The following CCZ1 variants were observed in gnomAD, a reference collection of about 807,000 sequenced individuals.
The protein encoded by CCZ1 is vacuolar fusion protein CCZ1 homolog.
Under a neutral mutation model 57.8 loss-of-function variants are expected in CCZ1, and 19 were observed. The observed-to-expected ratio is 0.33, with a 90% CI of 0.23 to 0.48. The LOEUF (loss-of-function observed/expected upper bound fraction) is 0.48, where lower values mean the gene tolerates loss of function less well. CCZ1 is among the 20% of genes least tolerant of loss of function. The probability of loss-of-function intolerance (pLI) is 0.99; values close to 1 mark genes in which losing one functional copy is unlikely to be tolerated. For synonymous variants in CCZ1, 81 were observed against 167.0 expected (o/e 0.49, Z 3.97); for missense variants, 200 against 492.0 (o/e 0.41, Z 5.61).
At chr7:5,910,684 T>C (rs1476649673) in intron 8 of CCZ1, among the ~76,000 whole-genome samples, 2 of 106,410 alleles carry the variant, frequency 1.9e-5, no homozygotes, top group African/African-American at 6.9e-5. Flanking sequence ...GATTTTACTT[T>C]ACTTTTAATT....
chr7:5,903,647 T>C lies in CCZ1; in HGVS notation c.522+903T>C, dbSNP rs766550943. Among the ~76,000 whole-genome samples the C allele has an allele frequency of 9.4e-4, 133 of 142,180 alleles. 5 individuals carry two copies. The highest frequency in any genetic ancestry group is 1.7e-3 in the Non-Finnish European group (111 of 66,730). 93.3% of individuals were successfully genotyped at this position (142,180 alleles called of 152,430 possible). A position where few individuals can be genotyped will look rare whatever the true frequency, so the allele number is the denominator to read the frequency against. On this transcript the variant is annotated intron_variant, in intron 6 of 14. Coordinates refer to ENST00000325974, the MANE Select transcript of CCZ1 (RefSeq NM_015622.6). ...CATTTCTCTCTTACCCATCAACATA[T>C]GGATAGAACTGTTGTCCTGAGTACA...
intron 7 of CCZ1, among the ~76,000 whole-genome samples, chr7:5,907,571 C>T (rs1161157996): frequency 6.8e-6 from 1 of 146,480 alleles, no homozygotes; most frequent in Admixed American, 6.7e-5. Context: ...CTTCCAGGAG[C>T]TCATTCTGGG....
intron 10 of CCZ1, among the ~76,000 whole-genome samples, chr7:5,914,748 C>A (rs1467770725): frequency 6.7e-6 from 1 of 148,282 alleles, no homozygotes. Flanking sequence ...AGGTGGCACA[C>A]GCCTCTAATC....
At chr7:5,916,601 CAGTG>C (rs1225807762) in intron 10 of CCZ1, among the ~76,000 whole-genome samples, 38 of 145,966 alleles carry the variant, frequency 2.6e-4, no homozygotes, top group African/African-American at 1.0e-3. Flanking sequence ...GTGGACAGCC[CAGTG>C]AGTGTTTCCC....
In CCZ1 at chr7:5,907,927, T is replaced by G. The variant is rs551315452; in HGVS notation, c.699-2108T>G. On this transcript the variant is annotated intron_variant, in intron 7 of 14. Coordinates refer to ENST00000325974, the MANE Select transcript of CCZ1 (RefSeq NM_015622.6). ...GCCTGGGCAGCATAGTGAGACTGTA[T>G]CTACAAAAAATGGAAAAAAAAAAAA... Among the ~76,000 whole-genome samples, 107 of 65,284 alleles carry G rather than the reference T, an allele frequency of 1.6e-3. 5 individuals are homozygous for G. The highest frequency in any genetic ancestry group is 5.9e-3 in the African/African-American group (102 of 17,402). 42.8% of individuals were successfully genotyped at this position (65,284 alleles called of 152,430 possible).
chr7:5,909,707 A>G (rs1583186072), intron 7 of CCZ1, among the ~76,000 whole-genome samples: 2 of 129,154 alleles, frequency 1.5e-5, no homozygotes, highest in African/African-American at 5.8e-5. Flanking sequence ...CAAAAAAAAA[A>G]AGAAAAAAAA....
intron 1 of CCZ1, among the ~76,000 whole-genome samples, chr7:5,899,338 T>TGTGGGG (rs1320404121): frequency 4.1e-3 from 7 of 1,690 alleles, no homozygotes; most frequent in African/African-American, 0.01. Flanking sequence ...GAGGGGGGTG[T>TGTGGGG]GTGTGTGTGT....
intron 10 of CCZ1, among the ~76,000 whole-genome samples, chr7:5,916,856 G>A (rs1779159997): frequency 8.4e-6 from 1 of 119,670 alleles, no homozygotes; most frequent in South Asian, 2.4e-4. Context: ...TTGATAAAAT[G>A]TGTTGGGAAA....
At chr7:5,904,109 T>TTTTTG (rs1781748510) in intron 6 of CCZ1, among the ~76,000 whole-genome samples, 4 of 131,486 alleles carry the variant, frequency 3.0e-5, no homozygotes, top group East Asian at 2.9e-4. Context: ...TTTTTTTTTT[T>TTTTTG]GAGACAGAAT....
chr7:5,922,772 G>A (rs1329096177), intron 12 of CCZ1, among the ~76,000 whole-genome samples: 3 of 148,188 alleles, frequency 2.0e-5, no homozygotes, highest in African/African-American at 7.6e-5. Flanking sequence ...AGTGTCGTAG[G>A]CTTCCCTCAT....
chr7:5,909,953 T>C, intron 7 of CCZ1, 82 bp from the exon 8 acceptor site: 2 of 1,236,542 alleles, frequency 1.6e-6, no homozygotes, highest in South Asian at 1.5e-5. Flanking sequence ...AAAAAAATTT[T>C]TGTTTAATGA....
chr7:5,905,948 G>A (rs1371098048), intron 7 of CCZ1, among the ~76,000 whole-genome samples: 3 of 104,056 alleles, frequency 2.9e-5, no homozygotes, highest in Admixed American at 1.4e-4. Context: ...TTACTGTGTT[G>A]CCCAGGCTGG....
intron 5 of CCZ1, 186 bp downstream of exon 5, chr7:5,901,890 G>A: frequency 1.9e-6 from 1 of 539,762 alleles, no homozygotes; most frequent in Non-Finnish European, 3.2e-6. Context: ...AGTAAGTATT[G>A]AACTCCCTTC....
intron 10 of CCZ1, among the ~76,000 whole-genome samples, 176 bp downstream of exon 10, chr7:5,913,130 T>C (rs1444337312): frequency 6.8e-6 from 1 of 147,800 alleles, no homozygotes; most frequent in Non-Finnish European, 1.5e-5. Context: ...TATTTTCAGC[T>C]CCTTTTAAAC....
Position 5,912,852 on chromosome 7 carries a change from C to G in CCZ1, c.852C>G (p.Thr284=). 1 of 1,504,572 alleles carries G rather than the reference C, an allele frequency of 6.6e-7. No homozygotes were observed. 93.2% of individuals were successfully genotyped at this position (1,504,572 alleles called of 1,614,324 possible). ...TGTTCTTGCTTTTAAGATTTCTTACCGGACCCTTGAACCTCAATGATCCAG... is the reference window on the plus strand; with the variant it reads ...TGTTCTTGCTTTTAAGATTTCTTACGGGACCCTTGAACCTCAATGATCCAG... ...GNLQHYGRFL[T]GPLNLNDPDA... is the part of the protein sequence containing the mutation. The change falls in exon 10 of 15, where the codon ACC becomes ACG. Residue 284 remains threonine (T), a synonymous_variant. Coordinates refer to ENST00000325974, the MANE Select transcript of CCZ1 (RefSeq NM_015622.6).
chr7:5,910,140 C>T (rs1781935598), intron 8 of CCZ1, 24 bp downstream of exon 8: 29 of 1,581,070 alleles, frequency 1.8e-5, no homozygotes, highest in Non-Finnish European at 2.5e-5. Flanking sequence ...CATAGCTGCG[C>T]ACAATTACAT....
chr7:5,909,929 A>C, intron 7 of CCZ1, 106 bp from the exon 8 acceptor site: 1 of 811,518 alleles, frequency 1.2e-6, no homozygotes, highest in Non-Finnish European at 2.0e-6. Context: ...CTGTGTTACT[A>C]AAAATGACTT....
chr7:5,906,347 G>C lies in CCZ1; in HGVS notation c.698+1078G>C, dbSNP rs1486855150. On this transcript the variant is annotated intron_variant, in intron 7 of 14. Transcript: ENST00000325974. ...TCTTTTTTTTTTTTTTTTTTGAGAC[G>C]GAGTCTCACTCTGTTGCCAGGCTGG... Among the ~76,000 whole-genome samples, 3 of 130,734 alleles carry C rather than the reference G, an allele frequency of 2.3e-5. 1 individual carries two copies. The East Asian group carries it at 8.8e-4, about 38-fold the overall frequency. The allele number at this position is 130,734 out of a possible 152,430, so 85.8% of individuals were successfully genotyped here. A position where few individuals can be genotyped will look rare whatever the true frequency, so the allele number is the denominator to read the frequency against.
In CCZ1 at chr7:5,910,189, T is replaced by C. The variant is rs1438974101; in HGVS notation, c.780+73T>C. 5 of 1,273,376 alleles carry C rather than the reference T, an allele frequency of 3.9e-6. No individual in the cohort carries two copies. The Admixed American group carries it at 5.5e-5, about 14-fold the overall frequency. The allele number at this position is 1,273,376 out of a possible 1,614,324, so 78.9% of individuals were successfully genotyped here. Reference sequence around the variant, plus strand: ...GAGGGCAGGTGGAGTGAGATGGTGGTGCATGGGGGCGTTTCTGATCGTTTC... The same window carrying C: ...GAGGGCAGGTGGAGTGAGATGGTGGCGCATGGGGGCGTTTCTGATCGTTTC... On this transcript the variant is annotated intron_variant, in intron 8 of 14. Transcript: ENST00000325974.
Sources: gnomAD v4.1 joint callset for allele counts (sites outside exome capture counted in the v4.1 genomes callset) on GRCh38, gnomAD v4.1.1 for gene constraint, MANE v1.5 for transcripts, NCBI Gene and HGNC (gene_info 2026-07-23, HGNC 2026-07-21) for gene names.